The following PCDHGB1 variants were observed in gnomAD, a reference collection of about 807,000 sequenced individuals.
PCDHGB1 encodes protocadherin gamma-B1.
A neutral mutation model predicts 56.6 loss-of-function variants in PCDHGB1; 34 were observed. The ratio of observed to expected loss-of-function variants is 0.60; its 90% CI spans 0.46 to 0.80. The LOEUF is 0.80. Ranked by LOEUF, PCDHGB1 falls within the 30% of genes least tolerant of loss-of-function variation. The pLI is 0.00. For synonymous variants in PCDHGB1, 561 were observed against 505.9 expected, an observed-to-expected ratio of 1.11 and a Z score of -1.46; for missense variants, 1,278 against 1,204.6, an observed-to-expected ratio of 1.06 and a Z score of -0.90.
chr5:141,376,165 G>T (rs181247360), intron 1 of PCDHGB1: 1 of 1,614,018 alleles, frequency 6.2e-7, no homozygotes, highest in African/African-American at 1.3e-5. Context: ...TGTACCTGGT[G>T]GTGGCGGTGG....
chr5:141,383,476 GA>G, intron 1 of PCDHGB1: 2 of 1,613,748 alleles, frequency 1.2e-6, no homozygotes, highest in Non-Finnish European at 1.7e-6. Context: ...TAAGTACCCG[GA>G]ACTGGTGCTG....
intron 3 of PCDHGB1, among the ~76,000 whole-genome samples, chr5:141,508,772 C>T (rs1015277795): frequency 5.3e-5 from 8 of 152,070 alleles, no homozygotes; most frequent in African/African-American, 1.2e-4. Flanking sequence ...TGAGGTCCCC[C>T]CTCTAGCCCC....
At chr5:141,371,540 C>T (rs773129811) in intron 1 of PCDHGB1, 1 of 1,613,730 alleles carries the variant, frequency 6.2e-7, no homozygotes, top group East Asian at 2.2e-5. Flanking sequence ...ATGGAGAAAT[C>T]CTATGCCAAC....
rs1360124362 is a variant in PCDHGB1 at position 141,489,688 on chromosome 5, G to A, written c.2410-5119G>A. On this transcript the variant is annotated intron_variant, in intron 1 of 3. Coordinates refer to ENST00000523390, the MANE Select transcript of PCDHGB1 (RefSeq NM_018922.3). This position sits in a 1 kb window ranked among gnomAD's most constrained non-coding sequence, Gnocchi z 4.5. The stretch of plus-strand genomic sequence containing the variant: ...CATCTCAGAATCAGCAGCATCTGGG[G>A]CACGATTCCCACTGGACAGTGCCCA... 6.2e-7 allele frequency: 1 copy of A among 1,614,150 alleles called. No homozygotes were observed. Among genetic ancestry groups the A allele is most frequent in the Non-Finnish European group, 8.5e-7 (1 of 1,180,012 alleles).
chr5:141,367,311 G>A (rs1390904308), intron 1 of PCDHGB1: 2 of 152,784 alleles, frequency 1.3e-5, no homozygotes, highest in Middle Eastern at 3.4e-3. Flanking sequence ...GGCTGAGGTG[G>A]GCGGATCACG....
chr5:141,477,710 GA>G lies in PCDHGB1; in HGVS notation c.2410-17095del. ...GCCCCTAGACTATGAGGATCGGCGG[GA>G]ATTTGAATTAACAGCTCATATCAGC... On this transcript the variant is annotated intron_variant, in intron 1 of 3. Coordinates refer to ENST00000523390, the MANE Select transcript of PCDHGB1 (RefSeq NM_018922.3). This position sits in a 1 kb window ranked among gnomAD's most constrained non-coding sequence, Gnocchi z 4.9. 2 of 1,613,918 alleles carry G rather than the reference GA, an allele frequency of 1.2e-6. No individual in the cohort carries two copies. Among genetic ancestry groups the G allele is most frequent in the Non-Finnish European group, 1.7e-6 (2 of 1,180,044 alleles).
chr5:141,362,693 A>C, intron 1 of PCDHGB1: 1 of 1,100,328 alleles, frequency 9.1e-7, no homozygotes, highest in South Asian at 1.7e-5. Flanking sequence ...ATCTTATCTA[A>C]CTGAATTTTA....
Position 141,351,812 on chromosome 5 carries a change from C to A in PCDHGB1, c.1552C>A (p.His518Asn), listed in dbSNP as rs572024020. The change falls in exon 1 of 4, where the codon CAC becomes AAC. Residue 518 changes from histidine to asparagine, a missense_variant. Coordinates refer to ENST00000523390, the MANE Select transcript of PCDHGB1 (RefSeq NM_018922.3). ...GVVFAQRAFD[H>N]EQLRAFELTL... The stretch of plus-strand genomic sequence containing the variant: ...GGTGTTCGCGCAGCGCGCCTTCGAC[C>A]ACGAGCAGCTGCGCGCCTTCGAGCT... 1 of 1,613,306 alleles carries A rather than the reference C, an allele frequency of 6.2e-7. No individual in the cohort carries two copies. Among genetic ancestry groups the A allele is most frequent in the South Asian group, 1.1e-5 (1 of 91,074 alleles).
rs1357772076 is a variant in PCDHGB1 at position 141,352,393 on chromosome 5, G to A, written c.2133G>A (p.Leu711=). The A allele has an allele frequency of 1.9e-6, 3 of 1,613,936 alleles. No homozygotes were observed. The highest frequency in any genetic ancestry group is 3.3e-5 in the Admixed American group (2 of 60,002). ...TGATTCTAGCGATCGCCCTGCGCCT[G>A]CGACGTTCCTCCAGCCTCGACACTG... The part of the protein sequence containing the change: ...LAVILAIALR[L]RRSSSLDTEG... Residue 711 remains leucine, a synonymous_variant, in exon 1 of 4, where the codon CTG becomes CTA. Transcript: ENST00000523390.
chr5:141,423,011 T>C, intron 1 of PCDHGB1: 4 of 1,614,186 alleles, frequency 2.5e-6, no homozygotes, highest in Non-Finnish European at 3.4e-6. Flanking sequence ...GTGGTTGCGG[T>C]GGACAAAGAT....
chr5:141,440,671 T>C (rs2098194169), intron 1 of PCDHGB1: 1 of 152,210 alleles, frequency 6.6e-6, no homozygotes, highest in African/African-American at 2.4e-5. Context: ...CAACTCTATA[T>C]TTCTCTTTGA....
At position 141,419,169 on chromosome 5, in the gene PCDHGB1, C is replaced by T. The variant is rs746258255; in HGVS notation, c.2409+66500C>T. 73 of 1,613,970 alleles carry T rather than the reference C, an allele frequency of 4.5e-5. No homozygotes were observed. The highest frequency in any genetic ancestry group is 3.3e-4 in the Middle Eastern group (2 of 6,062). The stretch of plus-strand genomic sequence containing the variant: ...AAGCCTCCGTTATCCTCCAGCAAAA[C>T]CATAACCCTGCACATTACTGACGTC... On this transcript the variant is annotated intron_variant, in intron 1 of 3. Coordinates refer to ENST00000523390, the MANE Select transcript of PCDHGB1 (RefSeq NM_018922.3).
At chr5:141,414,395 G>GAAAAGTCC (rs1226242642) in intron 1 of PCDHGB1, 1 of 1,613,924 alleles carries the variant, frequency 6.2e-7, no homozygotes, top group South Asian at 1.1e-5. Context: ...AGTTATTACA[G>GAAAAGTCC]ATTGGTGATA....
intron 1 of PCDHGB1, chr5:141,417,791 C>T: frequency 6.7e-7 from 1 of 1,482,658 alleles, no homozygotes; most frequent in Non-Finnish European, 9.0e-7. Context: ...GCCGAATGCT[C>T]TTTTAGCGCG....
intron 1 of PCDHGB1, among the ~76,000 whole-genome samples, chr5:141,354,668 G>A (rs1759606143): frequency 6.6e-6 from 1 of 152,128 alleles, no homozygotes; most frequent in African/African-American, 2.4e-5. Context: ...TTGTCTTTAG[G>A]AGAGATAATT....
rs754034325 is a variant in PCDHGB1 at position 141,413,380 on chromosome 5, C to T, written c.2409+60711C>T. On this transcript the variant is annotated intron_variant, in intron 1 of 3. Coordinates refer to ENST00000523390, the MANE Select transcript of PCDHGB1 (RefSeq NM_018922.3). ...CCGGGAGCTGGCGGAGCGCGGAGTC[C>T]GCATAGTCTCCAGAGGTAGGACGCA... is the stretch of plus-strand genomic sequence containing the variant. 4 of 1,613,962 alleles carry T rather than the reference C, an allele frequency of 2.5e-6. No individual in the cohort carries two copies. In the Middle Eastern group the frequency reaches 5.0e-4, roughly 200 times the overall value.
intron 1 of PCDHGB1, chr5:141,372,263 G>A: frequency 6.2e-7 from 1 of 1,613,110 alleles, no homozygotes; most frequent in Admixed American, 1.7e-5. Flanking sequence ...GCCTGCGCAC[G>A]GGTGAGGTGC....
At chr5:141,458,645 C>T (rs1162232847) in intron 1 of PCDHGB1, among the ~76,000 whole-genome samples, 2 of 152,170 alleles carry the variant, frequency 1.3e-5, no homozygotes, top group Non-Finnish European at 2.9e-5. Flanking sequence ...TCCCAGCTCA[C>T]TGCAACCTCC....
chr5:141,360,907 G>T, intron 1 of PCDHGB1: 1 of 1,613,998 alleles, frequency 6.2e-7, no homozygotes, highest in Non-Finnish European at 8.5e-7. Context: ...CGTGCCGCCG[G>T]GCTTCTTTGT....
Sources: allele counts gnomAD v4.1 joint callset (sites outside exome capture counted in the v4.1 genomes callset), GRCh38; gene constraint gnomAD v4.1.1; non-coding constraint Gnocchi (gnomAD v3.1); transcripts MANE v1.5; gene names NCBI Gene and HGNC (gene_info 2026-07-23, HGNC 2026-07-21).